Variants in ASXL3 observed in about 807,000 individuals in gnomAD.
ASXL3 encodes the protein putative Polycomb group protein ASXL3.
ASXL3 carries 34 observed loss-of-function variants against 170.6 expected under a neutral mutation model. That is an observed-to-expected ratio of 0.20 (90% CI 0.15 to 0.27). The LOEUF is 0.27. ASXL3 is among the 10% of genes least tolerant of loss of function. ASXL3 has a pLI of 1.00. For missense variants in ASXL3, 2,592 were observed against 2,695.3 expected (o/e 0.96, Z 0.85); for synonymous variants, 1,002 against 989.1 (o/e 1.01, Z -0.24).
chr18:33,636,352 A>G (rs1224015401), intron 2 of ASXL3, among the ~76,000 whole-genome samples: 1 of 151,834 alleles, frequency 6.6e-6, no homozygotes, highest in African/African-American at 2.4e-5. Flanking sequence ...CAACAGCCAC[A>G]ACAACAGCCA....
At chr18:33,662,084 C>A in intron 5 of ASXL3, among the ~76,000 whole-genome samples, 1 of 151,978 alleles carries the variant, frequency 6.6e-6, no homozygotes, top group East Asian at 1.9e-4. Context: ...GTTTTTTGTG[C>A]TTATCTGATA....
In ASXL3 at chr18:33,675,517, A is replaced by G. The variant is rs1028704774; in HGVS notation, c.715+3651A>G. 2.6e-5 allele frequency among the ~76,000 whole-genome samples: 4 copies of G among 152,192 alleles called. No individual in the cohort carries two copies. The East Asian group carries it at 7.7e-4, about 29-fold the overall frequency. On this transcript the variant is annotated intron_variant, in intron 7 of 11. Transcript: ENST00000269197. ...CTGTAAGTCTGTTCTAATTTAAGTT[A>G]ATAACTCTGAAACAAAATCCAGTGA...
At chr18:33,653,670 T>A (rs769276987) in intron 4 of ASXL3, among the ~76,000 whole-genome samples, 3 of 152,032 alleles carry the variant, frequency 2.0e-5, no homozygotes, top group Non-Finnish European at 4.4e-5. Flanking sequence ...TGAAGCCCTG[T>A]TTCCTCTCTC....
At chr18:33,715,432 C>A (rs919712256) in intron 8 of ASXL3, among the ~76,000 whole-genome samples, 4 of 152,184 alleles carry the variant, frequency 2.6e-5, no homozygotes, top group Non-Finnish European at 5.9e-5. Context: ...TATCACTTTG[C>A]TTTTCACATT....
At chr18:33,692,495 A>T (rs1475521909) in intron 8 of ASXL3, among the ~76,000 whole-genome samples, 1 of 152,048 alleles carries the variant, frequency 6.6e-6, no homozygotes, top group Non-Finnish European at 1.5e-5. Context: ...GCTCCTTCTC[A>T]TCCACCAGGG....
Position 33,739,069 on chromosome 18 carries a change from C to T in ASXL3, c.1665C>T (p.Asp555=), listed in dbSNP as rs1440964979. The T allele has an allele frequency of 1.2e-6, 2 of 1,613,374 alleles. No homozygotes were observed. Among genetic ancestry groups the T allele is most frequent in the East Asian group, 4.5e-5 (2 of 44,864 alleles). The change falls in exon 11 of 12, where the codon GAC becomes GAT. Residue 555 remains aspartate (D), a synonymous_variant. Coordinates refer to ENST00000269197, the MANE Select transcript of ASXL3 (RefSeq NM_030632.3). ...CTTCATCTATGACTCATGTCAGTGA[C>T]ACAGAACATAAGGAGTCAGAAACTG... ...PSTSSMTHVS[D]TEHKESETAV...
intron 5 of ASXL3, among the ~76,000 whole-genome samples, 161 bp from the exon 6 acceptor site, chr18:33,670,512 A>G (rs2066323133): frequency 6.6e-6 from 1 of 152,212 alleles, no homozygotes; most frequent in Non-Finnish European, 1.5e-5. Context: ...GGAAAATGAC[A>G]TGAAGGTAAC....
At position 33,749,299 on chromosome 18, in the gene ASXL3, G is replaced by A. The variant is rs1001422969; in HGVS notation, c.*2704G>A. The A allele has an allele frequency of 2.0e-5, 3 of 152,006 alleles. No individual in the cohort carries two copies. The highest frequency in any genetic ancestry group is 7.3e-5 in the African/African-American group (3 of 41,372). The allele number at this position is 152,006 out of a possible 1,614,324, so 9.4% of individuals were successfully genotyped here. On this transcript the variant is annotated 3_prime_UTR_variant, in exon 12 of 12. Transcript: ENST00000269197. ...TCTTAGTTTTCTGATTTCTACATGT[G>A]TCTGCTATGTGCAAATGTAGTATAT...
Position 33,740,411 on chromosome 18 carries a change from C to T in ASXL3, c.3007C>T (p.Pro1003Ser). The change falls in exon 11 of 12, where the codon CCC becomes TCC. Residue 1003 changes from proline (P) to serine (S), a missense_variant. This residue lies in a region of ASXL3 where 2,246 missense variants were observed against 2,219.6 expected (regional missense o/e 1.01). Transcript: ENST00000269197. ...SSSPPEKEQP[P>S]REEPRVPPLK... ...CAGCCCACCTGAGAAAGAACAGCCT[C>T]CCAGAGAGGAACCAAGGGTTCCCCC... The T allele has an allele frequency of 6.3e-7, 1 of 1,592,102 alleles. No homozygotes were observed. Among genetic ancestry groups the T allele is most frequent in the Non-Finnish European group, 8.5e-7 (1 of 1,172,628 alleles).
chr18:33,640,721 C>T (rs1025566470), intron 2 of ASXL3, among the ~76,000 whole-genome samples: 1 of 151,928 alleles, frequency 6.6e-6, no homozygotes, highest in Non-Finnish European at 1.5e-5. Flanking sequence ...TCAAAGCTAA[C>T]ATTTGAGATG....
intron 2 of ASXL3, among the ~76,000 whole-genome samples, chr18:33,611,146 G>A (rs1487938507): frequency 1.3e-5 from 2 of 151,916 alleles, no homozygotes; most frequent in Non-Finnish European, 2.9e-5. Context: ...GATAAAGATA[G>A]GACAACTTTT....
At chr18:33,610,270 T>C (rs916492936) in intron 2 of ASXL3, among the ~76,000 whole-genome samples, 1 of 152,106 alleles carries the variant, frequency 6.6e-6, no homozygotes, top group Non-Finnish European at 1.5e-5. Flanking sequence ...GATTGATTTC[T>C]AGGTATTTAC....
Position 33,750,228 on chromosome 18 carries a change from C to A in ASXL3, c.*3633C>A, listed in dbSNP as rs1207067312. 1 of 152,166 alleles carries A rather than the reference C, an allele frequency of 6.6e-6. No individual in the cohort carries two copies. Among genetic ancestry groups the A allele is most frequent in the Non-Finnish European group, 1.5e-5 (1 of 68,036 alleles). The allele number at this position is 152,166 out of a possible 1,614,324, so 9.4% of individuals were successfully genotyped here. ...ATCAGACTGTCAGGGGCCTATGTAG[C>A]CAAAATGTTACTAAATATAAAATTC... On this transcript the variant is annotated 3_prime_UTR_variant, in exon 12 of 12. Transcript: ENST00000269197.
At chr18:33,679,848 C>CT in intron 7 of ASXL3, among the ~76,000 whole-genome samples, 1 of 152,036 alleles carries the variant, frequency 6.6e-6, no homozygotes, top group Admixed American at 6.5e-5. Flanking sequence ...GATATGTACT[C>CT]TGTCAAGTAT....
At chr18:33,623,397 T>C (rs2065547958) in intron 2 of ASXL3, among the ~76,000 whole-genome samples, 1 of 152,164 alleles carries the variant, frequency 6.6e-6, no homozygotes, top group Non-Finnish European at 1.5e-5. Context: ...GAATTCTAGC[T>C]CTGTTTCTTC....
Position 33,607,728 on chromosome 18 carries a change from A to T in ASXL3, c.137+52A>T, listed in dbSNP as rs1371334361. On this transcript the variant is annotated intron_variant, in intron 2 of 11. Transcript: ENST00000269197. The stretch of plus-strand genomic sequence containing the variant: ...CTGTTTTCATTAAATAATAATTGCC[A>T]CTCGTTGCTAAGCGATAGGTGTATC... 6.6e-6 allele frequency: 9 copies of T among 1,367,912 alleles called. No individual in the cohort carries two copies. The East Asian group carries it at 2.3e-4, about 34-fold the overall frequency. 84.7% of individuals were successfully genotyped at this position (1,367,912 alleles called of 1,614,324 possible).
intron 1 of ASXL3, among the ~76,000 whole-genome samples, chr18:33,581,472 A>AGTGTGTGTGTGT (rs150752638): frequency 0.013 from 1,901 of 145,260 alleles, 30 homozygotes; most frequent in African/African-American, 0.037. Flanking sequence ...TGCTGGAGTG[A>AGTGTGTGTGTGT]GTGTGTGTGT....
chr18:33,709,047 T>C (rs1041151986), intron 8 of ASXL3, among the ~76,000 whole-genome samples: 1 of 152,016 alleles, frequency 6.6e-6, no homozygotes, highest in Non-Finnish European at 1.5e-5. Context: ...GCTTCATTAG[T>C]CATCAAGTAA....
At chr18:33,702,916 G>T (rs2066899764) in intron 8 of ASXL3, among the ~76,000 whole-genome samples, 1 of 152,050 alleles carries the variant, frequency 6.6e-6, no homozygotes. Flanking sequence ...ATCACACCCA[G>T]ACCTTAGGTC....
Sources: allele counts gnomAD v4.1 joint callset (sites outside exome capture counted in the v4.1 genomes callset), GRCh38; gene constraint gnomAD v4.1.1; regional missense constraint gnomAD v4.1.1; transcripts MANE v1.5; gene names NCBI Gene and HGNC (gene_info 2026-07-23, HGNC 2026-07-21).